The following ABLIM2 variants were observed in gnomAD, a reference collection of about 807,000 sequenced individuals.
ABLIM2 encodes actin-binding LIM protein 2.
Under a neutral mutation model 97.7 loss-of-function variants are expected in ABLIM2, and 53 were observed. That is an observed-to-expected ratio of 0.54 (90% CI 0.44 to 0.68). The LOEUF (loss-of-function observed/expected upper bound fraction) is 0.68, where lower values mean the gene tolerates loss of function less well. Ranked by LOEUF, ABLIM2 falls within the 30% of genes least tolerant of loss-of-function variation. The probability of loss-of-function intolerance (pLI) is 0.00; values close to 1 mark genes in which losing one functional copy is unlikely to be tolerated. For missense variants in ABLIM2, 835 were observed against 867.2 expected (o/e 0.96, Z 0.47); for synonymous variants, 361 against 345.8 (o/e 1.04, Z -0.49).
intron 9 of ABLIM2, among the ~76,000 whole-genome samples, chr4:8,037,478 A>G (rs1040937481): frequency 2.0e-5 from 3 of 151,934 alleles, no homozygotes; most frequent in East Asian, 1.9e-4. Context: ...TAGCACACAC[A>G]TGCCCACACC....
intron 1 of ABLIM2, among the ~76,000 whole-genome samples, chr4:8,143,170 G>T (rs112750234): frequency 7.3e-5 from 10 of 136,162 alleles, no homozygotes; most frequent in Non-Finnish European, 1.3e-4. Flanking sequence ...GGGGGGGGGG[G>T]GCGTCTGCAA....
intron 14 of ABLIM2, among the ~76,000 whole-genome samples, chr4:8,014,243 T>C (rs1209008390): frequency 2.6e-5 from 4 of 152,218 alleles, no homozygotes; most frequent in Non-Finnish European, 5.9e-5. Flanking sequence ...CTGGGGAAGG[T>C]GCCCGGGGTT....
At chr4:8,051,899 C>A (rs910276664) in intron 8 of ABLIM2, among the ~76,000 whole-genome samples, 2 of 152,182 alleles carry the variant, frequency 1.3e-5, no homozygotes, top group African/African-American at 4.8e-5. Context: ...TCAAACCAAT[C>A]GCCTAAGCCC....
Position 8,095,244 on chromosome 4 carries a change from C to G in ABLIM2, c.338+1855G>C, listed in dbSNP as rs1053816551. ...TCAGCCTCTCACATAGCTGGGACTA[C>G]AGGCATGCACCACCATGCCAGACTA... On this transcript the variant is annotated intron_variant, in intron 3 of 20. Coordinates refer to ENST00000447017, the MANE Select transcript of ABLIM2 (RefSeq NM_001130083.2). This position sits in a 1 kb window ranked among gnomAD's most constrained non-coding sequence, Gnocchi z 4.7. Among the ~76,000 whole-genome samples, 1 of 152,080 alleles carries G rather than the reference C, an allele frequency of 6.6e-6. No individual in the cohort carries two copies. The highest frequency in any genetic ancestry group is 6.5e-5 in the Admixed American group (1 of 15,270).
At chr4:7,969,202 C>T (rs1725531064) in intron 20 of ABLIM2, among the ~76,000 whole-genome samples, 3 of 152,066 alleles carry the variant, frequency 2.0e-5, no homozygotes, top group Admixed American at 2.0e-4. Context: ...ACCTGTAATC[C>T]CAGCACTTTG....
rs555456279 is a variant in ABLIM2, at chr4:8,157,719, C to G, written c.10+961G>C. ...CATGGCCAAGGGCCATACTGCAGTCCCTGGCGCGACAGGCTTAGAGGAAAG... is the reference window on the plus strand; with the variant it reads ...CATGGCCAAGGGCCATACTGCAGTCGCTGGCGCGACAGGCTTAGAGGAAAG... On this transcript the variant is annotated intron_variant, in intron 1 of 20. Transcript: ENST00000447017. Among the ~76,000 whole-genome samples the G allele has an allele frequency of 1.8e-4, 28 of 152,400 alleles. 1 individual carries two copies. Among genetic ancestry groups the G allele is most frequent in the African/African-American group, 6.7e-4 (28 of 41,598 alleles).
At chr4:8,109,909 A>G (rs1839469307) in intron 1 of ABLIM2, among the ~76,000 whole-genome samples, 1 of 152,252 alleles carries the variant, frequency 6.6e-6, no homozygotes, top group African/African-American at 2.4e-5. Context: ...TTGAATCCAC[A>G]GCAGGCTTGT....
At position 8,085,582 on chromosome 4, in the gene ABLIM2, C is replaced by T. The variant is rs2152490616; in HGVS notation, c.454+2587G>A. Among the ~76,000 whole-genome samples the T allele has an allele frequency of 6.7e-6, 1 of 148,394 alleles. No homozygotes were observed. The highest frequency in any genetic ancestry group is 1.5e-5 in the Non-Finnish European group (1 of 67,344). ...GGCTCTGGGGGTGCCCACGCTGCAGCCCCGTCCACTCACGCGGGTCTGGGG... is the reference window on the plus strand; with the variant it reads ...GGCTCTGGGGGTGCCCACGCTGCAGTCCCGTCCACTCACGCGGGTCTGGGG... On this transcript the variant is annotated intron_variant, in intron 4 of 20. Transcript: ENST00000447017. This position sits in a 1 kb window ranked among gnomAD's most constrained non-coding sequence, Gnocchi z 6.1.
At chr4:8,088,032 G>A (rs1431302415) in intron 4 of ABLIM2, 137 bp downstream of exon 4, 17 of 242,734 alleles carry the variant, frequency 7.0e-5, no homozygotes, top group Admixed American at 2.6e-4. Flanking sequence ...ACTCAGCACC[G>A]CCCCCACTCA....
At chr4:8,064,884 G>T (rs185721393) in intron 6 of ABLIM2, among the ~76,000 whole-genome samples, 1 of 152,294 alleles carries the variant, frequency 6.6e-6, no homozygotes, top group Non-Finnish European at 1.5e-5. Context: ...GCACCCCTCT[G>T]TGTGTATTAC....
intron 20 of ABLIM2, among the ~76,000 whole-genome samples, chr4:7,975,978 G>T (rs920273737): frequency 6.6e-6 from 1 of 152,076 alleles, no homozygotes; most frequent in Non-Finnish European, 1.5e-5. Flanking sequence ...TCGTGTTCAG[G>T]CAAAGTCCCC....
chr4:8,075,243 T>C lies in ABLIM2; in HGVS notation c.675+2385A>G, dbSNP rs919492973. ...ATGAAACGTCCAGAAGAGAAGTCTA[T>C]GGAGACAGAAAGTAGAAAGTAGAAT... On this transcript the variant is annotated intron_variant, in intron 6 of 20. Coordinates refer to ENST00000447017, the MANE Select transcript of ABLIM2 (RefSeq NM_001130083.2). This position sits in a 1 kb window ranked among gnomAD's most constrained non-coding sequence, Gnocchi z 4.4. Among the ~76,000 whole-genome samples, 4 of 57,030 alleles carry C rather than the reference T, an allele frequency of 7.0e-5. No individual in the cohort carries two copies. Among genetic ancestry groups the C allele is most frequent in the African/African-American group, 2.8e-4 (4 of 14,438 alleles). 37.4% of individuals were successfully genotyped at this position (57,030 alleles called of 152,430 possible).
In ABLIM2 at chr4:7,980,941, A is replaced by ATTTTTTTTTTTTT. The variant is rs1167615555; in HGVS notation, c.1824+2310_1824+2322dup. ...AGAACCATGGTCTCCACAACCCCTT[A>ATTTTTTTTTTTTT]TTTTTTTTTTTTTTTTTTTTGAGAT... On this transcript the variant is annotated intron_variant, in intron 20 of 20. Coordinates refer to ENST00000447017, the MANE Select transcript of ABLIM2 (RefSeq NM_001130083.2). Among the ~76,000 whole-genome samples, 13 of 82,982 alleles carry ATTTTTTTTTTTTT rather than the reference A, an allele frequency of 1.6e-4. 2 individuals are homozygous for ATTTTTTTTTTTTT. The highest frequency in any genetic ancestry group is 5.6e-4 in the East Asian group (1 of 1,780). 54.4% of individuals were successfully genotyped at this position (82,982 alleles called of 152,430 possible). A position where few individuals can be genotyped will look rare whatever the true frequency, so the allele number is the denominator to read the frequency against.
At chr4:8,103,722 G>A (rs942008497) in intron 2 of ABLIM2, among the ~76,000 whole-genome samples, 6 of 152,326 alleles carry the variant, frequency 3.9e-5, no homozygotes, top group African/African-American at 1.4e-4. Flanking sequence ...ATCCACTGAA[G>A]GAGGCTGAAA....
chr4:8,141,133 CT>C (rs1378648485), intron 1 of ABLIM2, among the ~76,000 whole-genome samples: 2 of 152,114 alleles, frequency 1.3e-5, no homozygotes, highest in Admixed American at 6.5e-5. Flanking sequence ...ACAGACAGCC[CT>C]GAGCTCAAAT....
At chr4:8,049,102 C>T (rs1794388677) in intron 8 of ABLIM2, among the ~76,000 whole-genome samples, 1 of 152,190 alleles carries the variant, frequency 6.6e-6, no homozygotes, top group South Asian at 2.1e-4. Flanking sequence ...GGTCACGGCG[C>T]CTCTGAGCAT....
At chr4:8,013,703 T>C (rs1183993323) in intron 14 of ABLIM2, among the ~76,000 whole-genome samples, 1 of 152,200 alleles carries the variant, frequency 6.6e-6, no homozygotes, top group Non-Finnish European at 1.5e-5. Context: ...ACGTGTAAAT[T>C]TTCAGACTCA....
intron 14 of ABLIM2, among the ~76,000 whole-genome samples, chr4:8,016,045 T>TTTC (rs1456617380): frequency 7.2e-6 from 1 of 138,046 alleles, no homozygotes; most frequent in Non-Finnish European, 1.6e-5. Context: ...GTTGTTGTAT[T>TTTC]TTTTTTTTTT....
Position 8,019,678 on chromosome 4 carries a change from A to T in ABLIM2, c.1370-7T>A, listed in dbSNP as rs1463530358. 4 of 1,609,940 alleles carry T rather than the reference A, an allele frequency of 2.5e-6. No individual in the cohort carries two copies. The African/African-American group carries it at 5.4e-5, about 22-fold the overall frequency. ...TTATCTTTTACGCCAGTGTCTGGGGAAGAAGAAAGAAAAAAAAGGAGAGAA... is the reference window on the plus strand; with the variant it reads ...TTATCTTTTACGCCAGTGTCTGGGGTAGAAGAAAGAAAAAAAAGGAGAGAA... On this transcript the variant is annotated splice_region_variant and splice_polypyrimidine_tract_variant and intron_variant, in intron 13 of 20. Coordinates refer to ENST00000447017, the MANE Select transcript of ABLIM2 (RefSeq NM_001130083.2). The surrounding 1 kb of genome is among the most constrained non-coding windows in gnomAD (Gnocchi z 4.3).
Sources: gnomAD v4.1 joint callset for allele counts (sites outside exome capture counted in the v4.1 genomes callset) on GRCh38, gnomAD v4.1.1 for gene constraint, Gnocchi (gnomAD v3.1) non-coding constraint, MANE v1.5 for transcripts, NCBI Gene and HGNC (gene_info 2026-07-23, HGNC 2026-07-21) for gene names.